The following UNC80 variants were observed in gnomAD, a reference collection of about 807,000 sequenced individuals.
UNC80 encodes the protein unc-80 subunit of NALCN channel complex, also known as protein unc-80 homolog.
In UNC80, 164 loss-of-function variants were observed where a neutral mutation model predicts 384.6. The ratio of observed to expected loss-of-function variants is 0.43; its 90% CI spans 0.38 to 0.49. The LOEUF is 0.49. UNC80 is among the 20% of genes least tolerant of loss of function. The pLI, the probability that UNC80 is intolerant of heterozygous loss-of-function variation, is 0.00. For missense variants in UNC80, 3,330 were observed against 4,143.0 expected (o/e 0.80, Z 5.39); for synonymous variants, 1,486 against 1,527.8 (o/e 0.97, Z 0.64).
At chr2:209,986,185 T>G (rs1314307810) in intron 61 of UNC80, among the ~76,000 whole-genome samples, 1 of 152,214 alleles carries the variant, frequency 6.6e-6, no homozygotes, top group Admixed American at 6.5e-5. Flanking sequence ...GAGTGTTCAT[T>G]CTTTCAAAGA....
intron 34 of UNC80, 128 bp downstream of exon 34, chr2:209,921,814 A>G: frequency 8.8e-7 from 1 of 1,136,934 alleles, no homozygotes; most frequent in South Asian, 1.9e-5. Context: ...TCACTTCCTG[A>G]CGCTAACCAA....
intron 61 of UNC80, among the ~76,000 whole-genome samples, chr2:209,987,699 C>T (rs563402067): frequency 6.6e-6 from 1 of 152,012 alleles, no homozygotes; most frequent in African/African-American, 2.4e-5. Flanking sequence ...GATTATAATG[C>T]TACTTGAATT....
intron 7 of UNC80, among the ~76,000 whole-genome samples, chr2:209,794,514 C>G (rs898605457): frequency 6.6e-6 from 1 of 152,202 alleles, no homozygotes; most frequent in African/African-American, 2.4e-5. Context: ...ATTTTTAAGA[C>G]TAGTTTTATT....
chr2:209,951,321 G>A (rs1183423441), intron 47 of UNC80: 2 of 150,002 alleles, frequency 1.3e-5, no homozygotes, highest in Non-Finnish European at 3.0e-5. Flanking sequence ...CTTTTGAGAT[G>A]GAATCTCACT....
rs151227494 is a variant in UNC80, at chr2:209,834,921, G to A, written c.2952G>A (p.Ala984=). The stretch of plus-strand genomic sequence containing the variant: ...TGCACCATTTGCATAGGTCAGAGGC[G>A]GGAAGCATTGTGGATAAAGGCCAGG... The part of the protein sequence containing the change: ...SKPAGSKRSE[A]GSIVDKGQVS... Residue 984 remains alanine (A), a synonymous_variant, in exon 18 of 65, where the codon GCG becomes GCA. Coordinates refer to ENST00000673920, the MANE Select transcript of UNC80 (RefSeq NM_001371986.1). 2.8e-5 allele frequency: 43 copies of A among 1,549,790 alleles called. No individual in the cohort carries two copies. Among genetic ancestry groups the A allele is most frequent in the East Asian group, 2.7e-4 (11 of 40,792 alleles).
chr2:209,819,108 G>A lies in UNC80; in HGVS notation c.1809G>A (p.Val603=). 1 of 1,552,192 alleles carries A rather than the reference G, an allele frequency of 6.4e-7. No homozygotes were observed. Among genetic ancestry groups the A allele is most frequent in the Admixed American group, 2.0e-5 (1 of 51,008 alleles). ...NEHMRKLCNQ[V]PIPEMPHEPL... is the part of the protein sequence containing the mutation. ...ATATGAGGAAACTCTGCAACCAGGTGCCTATCCCGGAGATGCCACATGAAC... is the reference window on the plus strand; with the variant it reads ...ATATGAGGAAACTCTGCAACCAGGTACCTATCCCGGAGATGCCACATGAAC... Residue 603 remains valine (V), a synonymous_variant, in exon 12 of 65, where the codon GTG becomes GTA. Coordinates refer to ENST00000673920, the MANE Select transcript of UNC80 (RefSeq NM_001371986.1).
chr2:209,817,046 A>T lies in UNC80; in HGVS notation c.1473A>T (p.Thr491=). ...DHLDVSPTRS[T]FSFGSFSGLG... ...TGGATGTGTCCCCCACGCGCAGCAC[A>T]TTCTCCTTTGGAAGTTTCTCTGGGC... The change falls in exon 10 of 65, where the codon ACA becomes ACT. Residue 491 remains threonine, a synonymous_variant. Coordinates refer to ENST00000673920, the MANE Select transcript of UNC80 (RefSeq NM_001371986.1). The T allele has an allele frequency of 6.4e-7, 1 of 1,551,762 alleles. No homozygotes were observed. The highest frequency in any genetic ancestry group is 8.7e-7 in the Non-Finnish European group (1 of 1,147,006).
intron 37 of UNC80, 26 bp downstream of exon 37, chr2:209,929,997 A>G: frequency 1.1e-5 from 16 of 1,480,570 alleles, no homozygotes; most frequent in Non-Finnish European, 1.4e-5. Context: ...TTTTTAGTGT[A>G]GCTCTGTGGC....
In UNC80 at chr2:209,903,318, A is replaced by ATG. The variant is rs1200114285; in HGVS notation, c.4582-1446_4582-1445insGT. 9.0e-3 allele frequency among the ~76,000 whole-genome samples: 650 copies of ATG among 71,962 alleles called. 6 individuals are homozygous for ATG. Among genetic ancestry groups the ATG allele is most frequent in the Non-Finnish European group, 0.014 (499 of 35,800 alleles). The allele number at this position is 71,962 out of a possible 152,430, so 47.2% of individuals were successfully genotyped here. A position where few individuals can be genotyped will look rare whatever the true frequency, so the allele number is the denominator to read the frequency against. On this transcript the variant is annotated intron_variant, in intron 28 of 64. Transcript: ENST00000673920. ...GTATATACAATATATATATTATATT[A>ATG]TATGTGTGTGTGTGTGTGTGTGTGT...
intron 47 of UNC80, 131 bp downstream of exon 47, chr2:209,946,074 A>T (rs2091900395): frequency 1.4e-6 from 1 of 711,696 alleles, no homozygotes; most frequent in South Asian, 1.9e-5. Context: ...TAGAAACTAA[A>T]TTTAGGCCAG....
At chr2:209,882,203 T>C (rs1209981472) in intron 25 of UNC80, among the ~76,000 whole-genome samples, 3 of 152,018 alleles carry the variant, frequency 2.0e-5, no homozygotes, top group Non-Finnish European at 4.4e-5. Context: ...CCTGACCTCA[T>C]GATCTGCCTG....
At chr2:209,890,459 A>G (rs541303049) in intron 26 of UNC80, among the ~76,000 whole-genome samples, 1 of 152,274 alleles carries the variant, frequency 6.6e-6, no homozygotes, top group African/African-American at 2.4e-5. Context: ...CATTCTGTTT[A>G]ACTTTTTGCT....
At position 209,995,867 on chromosome 2, in the gene UNC80, T is replaced by C; in HGVS notation, c.*272T>C. 1 of 374,370 alleles carries C rather than the reference T, an allele frequency of 2.7e-6. No individual in the cohort carries two copies. Among genetic ancestry groups the C allele is most frequent in the Non-Finnish European group, 4.9e-6 (1 of 202,888 alleles). 23.2% of individuals were successfully genotyped at this position (374,370 alleles called of 1,614,324 possible). ...CATTTCACTGCACATTGTTTATGAT[T>C]CAAGAAGCCTTCAGCAGTTAAAAAT... On this transcript the variant is annotated 3_prime_UTR_variant, in exon 65 of 65. Transcript: ENST00000673920.
Position 209,904,813 on chromosome 2 carries a change from G to A in UNC80, c.4630G>A (p.Asp1544Asn), listed in dbSNP as rs1378620413. 3 of 1,551,950 alleles carry A rather than the reference G, an allele frequency of 1.9e-6. No homozygotes were observed. Among genetic ancestry groups the A allele is most frequent in the Non-Finnish European group, 2.6e-6 (3 of 1,147,068 alleles). ...NQQSFICTHV[D>N]YCHPHCYLHH... Reference sequence around the variant, plus strand: ...GCAGAGTTTCATCTGCACTCACGTTGACTACTGCCATCCCCACTGCTACCT... The same window carrying A: ...GCAGAGTTTCATCTGCACTCACGTTAACTACTGCCATCCCCACTGCTACCT... The change falls in exon 29 of 65, where the codon GAC becomes AAC. Residue 1544 changes from aspartate to asparagine, a missense_variant. Around this residue, in one of 8 missense-constraint regions of UNC80, gnomAD observed 801 missense variants for 950.8 expected, o/e 0.84. Transcript: ENST00000673920.
chr2:209,858,732 A>ATAT (rs2083128439), intron 22 of UNC80, among the ~76,000 whole-genome samples: 1 of 151,592 alleles, frequency 6.6e-6, no homozygotes. Flanking sequence ...AAAAAGGTTT[A>ATAT]TATTTAATTT....
In UNC80 at chr2:209,793,809, T is replaced by G; in HGVS notation, c.888T>G (p.Asp296Glu). 1 of 1,614,188 alleles carries G rather than the reference T, an allele frequency of 6.2e-7. No homozygotes were observed. Among genetic ancestry groups the G allele is most frequent in the Non-Finnish European group, 8.5e-7 (1 of 1,179,998 alleles). The change falls in exon 7 of 65, where the codon GAT becomes GAG. Residue 296 changes from aspartate to glutamate, a missense_variant. Transcript: ENST00000673920. ...GCTGTCACCGAGGAAACTCCTTTGATGGAAGTCTGTCCTCCCAAACTTCCC... is the reference window on the plus strand; with the variant it reads ...GCTGTCACCGAGGAAACTCCTTTGAGGGAAGTCTGTCCTCCCAAACTTCCC... ...ISGCHRGNSF[D>E]GSLSSQTSQE... is the part of the protein sequence containing the mutation.
At chr2:209,801,152 G>A (rs1245599712) in intron 7 of UNC80, among the ~76,000 whole-genome samples, 2 of 152,028 alleles carry the variant, frequency 1.3e-5, no homozygotes, top group South Asian at 4.2e-4. Flanking sequence ...TGACATTGGG[G>A]TGTTAAAGTC....
intron 38 of UNC80, among the ~76,000 whole-genome samples, chr2:209,931,318 A>G (rs1337606516): frequency 1.7e-5 from 2 of 117,678 alleles, no homozygotes; most frequent in African/African-American, 2.6e-5. Context: ...TTGAGAAAAC[A>G]TGTGTTCTTT....
chr2:209,815,032 G>A lies in UNC80; in HGVS notation c.1201-225G>A, dbSNP rs548054587. ...TATTTTCTTAGCATTCTAAATCTGG[G>A]GCTACATGACCTCACTACTGAAAAC... On this transcript the variant is annotated intron_variant, in intron 8 of 64. Transcript: ENST00000673920. Among the ~76,000 whole-genome samples, 70 of 151,546 alleles carry A rather than the reference G, an allele frequency of 4.6e-4. 1 individual carries two copies. In the South Asian group the frequency reaches 0.014, roughly 30 times the overall value.
Sources: allele counts gnomAD v4.1 joint callset (sites outside exome capture counted in the v4.1 genomes callset), GRCh38; gene constraint gnomAD v4.1.1; regional missense constraint gnomAD v4.1.1; transcripts MANE v1.5; gene names NCBI Gene and HGNC (gene_info 2026-07-23, HGNC 2026-07-21).